The following PAK1IP1 variants were observed in gnomAD, a reference collection of about 807,000 sequenced individuals.
PAK1IP1 encodes p21-activated protein kinase-interacting protein 1.
In PAK1IP1, 24 loss-of-function variants were observed where a neutral mutation model predicts 42.0. That is an observed-to-expected ratio of 0.57 (90% CI 0.41 to 0.80). PAK1IP1 has a LOEUF of 0.80. Among genes scored for constraint, PAK1IP1 ranks in the 30% least tolerant of loss-of-function variants. The probability of loss-of-function intolerance (pLI) is 0.00; values close to 1 mark genes in which losing one functional copy is unlikely to be tolerated. For synonymous variants in PAK1IP1, 154 were observed against 156.7 expected (o/e 0.98, Z 0.13); for missense variants, 411 against 467.9 (o/e 0.88, Z 1.12).
At chr6:10,695,580 A>G (rs1769790412) in intron 1 of PAK1IP1, among the ~76,000 whole-genome samples, 1 of 152,216 alleles carries the variant, frequency 6.6e-6, no homozygotes, top group South Asian at 2.1e-4. Context: ...CGTTGCCTAC[A>G]TAAGGGGTGG....
In PAK1IP1 at chr6:10,709,615, A is replaced by AAC. The variant is rs1770322270; in HGVS notation, c.*164_*165insCA. On this transcript the variant is annotated 3_prime_UTR_variant, in exon 10 of 10. Transcript: ENST00000379568. ...AGATGGTTTTTTTTAAAAAAAAAAA[A>AAC]AAAACTGGTAAAATTACTTTTGGCA... 2.3e-6 allele frequency: 1 copy of AAC among 426,682 alleles called. No individual in the cohort carries two copies. The highest frequency in any genetic ancestry group is 2.1e-5 in the African/African-American group (1 of 46,650). 26.4% of individuals were successfully genotyped at this position (426,682 alleles called of 1,614,324 possible). A position where few individuals can be genotyped will look rare whatever the true frequency, so the allele number is the denominator to read the frequency against.
At chr6:10,694,903 GTTTT>G (rs878881986), upstream of PAK1IP1, 2,367 of 615,564 alleles carry the variant, frequency 3.8e-3, no homozygotes, top group South Asian at 4.8e-3. Flanking sequence ...GGAGTCAGGT[GTTTT>G]TTTTTTTTTT....
rs563165194 is a variant in PAK1IP1, at chr6:10,708,536, C to CT, written c.841-408dup. Among the ~76,000 whole-genome samples, 1,379 of 149,290 alleles carry CT rather than the reference C, an allele frequency of 9.2e-3. 13 individuals carry two copies. Among genetic ancestry groups the CT allele is most frequent in the African/African-American group, 0.032 (1,298 of 40,762 alleles). Reference sequence around the variant, plus strand: ...TTTGTGTGGATATATGTTTTTTTTTCTTTTTTTTTATACTTTAAGTTTTAG... The same window carrying CT: ...TTTGTGTGGATATATGTTTTTTTTTCTTTTTTTTTTATACTTTAAGTTTTAG... On this transcript the variant is annotated intron_variant, in intron 8 of 9. Coordinates refer to ENST00000379568, the MANE Select transcript of PAK1IP1 (RefSeq NM_017906.3).
At chr6:10,696,441 A>C (rs1302553261) in intron 1 of PAK1IP1, among the ~76,000 whole-genome samples, 3 of 152,028 alleles carry the variant, frequency 2.0e-5, no homozygotes, top group Non-Finnish European at 4.4e-5. Flanking sequence ...ATACTTTTTG[A>C]TGCAGTTCCT....
In PAK1IP1 at chr6:10,709,603, TA is replaced by T. The variant is rs34602235; in HGVS notation, c.*167del. ...AAAACCACTTTTAGATGGTTTTTTT[TA>T]AAAAAAAAAAAAAAACTGGTAAAAT... On this transcript the variant is annotated 3_prime_UTR_variant, in exon 10 of 10. Transcript: ENST00000379568. 0.073 allele frequency: 20,649 copies of T among 282,510 alleles called. 263 individuals carry two copies. The highest frequency in any genetic ancestry group is 0.11 in the African/African-American group (4,736 of 41,220). The allele number at this position is 282,510 out of a possible 1,614,324, so 17.5% of individuals were successfully genotyped here. A position where few individuals can be genotyped will look rare whatever the true frequency, so the allele number is the denominator to read the frequency against.
In PAK1IP1 at chr6:10,709,061, G is replaced by A; in HGVS notation, c.949G>A (p.Ala317Thr). 6.2e-7 allele frequency: 1 copy of A among 1,613,164 alleles called. No individual in the cohort carries two copies. The highest frequency in any genetic ancestry group is 8.5e-7 in the Non-Finnish European group (1 of 1,179,464). The change falls in exon 9 of 10, where the codon GCA (alanine) becomes ACA (threonine). Residue 317 changes from alanine to threonine, a missense_variant. Coordinates refer to ENST00000379568, the MANE Select transcript of PAK1IP1 (RefSeq NM_017906.3). Reference protein sequence around the residue: ...ADMKESLPPAAEPSPVSKEQS... With the variant: ...ADMKESLPPATEPSPVSKEQS... ...CATGAAAGAAAGCCTTCCTCCAGCT[G>A]CAGAGCCTTCTCCTGGTAATCGAAT...
At chr6:10,705,396 C>T (rs1433477986) in intron 7 of PAK1IP1, among the ~76,000 whole-genome samples, 1 of 152,118 alleles carries the variant, frequency 6.6e-6, no homozygotes, top group Non-Finnish European at 1.5e-5. Context: ...TTTTAAATGT[C>T]TGTTAGACTT....
intron 2 of PAK1IP1, among the ~76,000 whole-genome samples, chr6:10,701,927 A>T (rs1022840355): frequency 3.3e-5 from 5 of 152,134 alleles, no homozygotes; most frequent in African/African-American, 1.2e-4. Flanking sequence ...AATTTAAGGT[A>T]TGTTTTAGTA....
At chr6:10,698,585 T>A (rs1769929924) in intron 2 of PAK1IP1, among the ~76,000 whole-genome samples, 2 of 151,912 alleles carry the variant, frequency 1.3e-5, no homozygotes, top group Non-Finnish European at 1.5e-5. Flanking sequence ...GAGAGCCAGT[T>A]AGAGACTGAA....
At chr6:10,692,473 C>T (rs1056391652), upstream of PAK1IP1, among the ~76,000 whole-genome samples, 14 of 152,156 alleles carry the variant, frequency 9.2e-5, no homozygotes, top group African/African-American at 3.1e-4. Flanking sequence ...GAGACAGTCT[C>T]ACTCTTGCCC....
At chr6:10,708,359 T>C (rs1053266400) in intron 8 of PAK1IP1, among the ~76,000 whole-genome samples, 4 of 152,182 alleles carry the variant, frequency 2.6e-5, no homozygotes, top group Admixed American at 2.0e-4. Flanking sequence ...ATAGCATATG[T>C]TAGTACTTCA....
chr6:10,707,876 A>G (rs1289803471), intron 8 of PAK1IP1, among the ~76,000 whole-genome samples: 2 of 152,096 alleles, frequency 1.3e-5, no homozygotes, highest in East Asian at 1.9e-4. Context: ...TAAACCAGAC[A>G]CTTTGGAAAA....
chr6:10,697,547 G>T, intron 2 of PAK1IP1, 61 bp downstream of exon 2: 6 of 1,229,070 alleles, frequency 4.9e-6, no homozygotes, highest in Non-Finnish European at 5.8e-6. Flanking sequence ...TTTGACTTCA[G>T]TTGAACAATT....
chr6:10,700,593 A>G (rs1769997276), intron 2 of PAK1IP1, among the ~76,000 whole-genome samples: 1 of 152,124 alleles, frequency 6.6e-6, no homozygotes, highest in Non-Finnish European at 1.5e-5. Context: ...ATTCAAATAT[A>G]CATTCTTTTT....
At chr6:10,705,344 G>A (rs978450454) in intron 7 of PAK1IP1, among the ~76,000 whole-genome samples, 1 of 152,044 alleles carries the variant, frequency 6.6e-6, no homozygotes, top group Non-Finnish European at 1.5e-5. Context: ...TAATGCAAAA[G>A]TGGTGAAATT....
intron 2 of PAK1IP1, among the ~76,000 whole-genome samples, chr6:10,699,038 A>G (rs1336922171): frequency 1.3e-5 from 2 of 152,066 alleles, no homozygotes; most frequent in African/African-American, 4.8e-5. Context: ...GTCTCTACGA[A>G]AAATACATAA....
chr6:10,704,778 A>T lies in PAK1IP1; in HGVS notation c.674A>T (p.Glu225Val), dbSNP rs903255182. ...GTCCTTGCAGTGGCTGGAGATGAAG[A>T]AGTTATAAGGTTTTTTGACTGTGAT... ...ESVLAVAGDE[E>V]VIRFFDCDSL... The change falls in exon 7 of 10, where the codon GAA (glutamate) becomes GTA (valine). Residue 225 changes from glutamate (E) to valine (V), a missense_variant. Physicochemically the swap from Glu to Val is moderately radical, Grantham distance 121. Transcript: ENST00000379568. The T allele has an allele frequency of 1.2e-6, 2 of 1,613,488 alleles. No individual in the cohort carries two copies. The highest frequency in any genetic ancestry group is 2.7e-5 in the African/African-American group (2 of 74,906).
At chr6:10,698,256 C>T (rs991617605) in intron 2 of PAK1IP1, among the ~76,000 whole-genome samples, 2 of 151,134 alleles carry the variant, frequency 1.3e-5, no homozygotes, top group African/African-American at 4.9e-5. Flanking sequence ...ATTATGTACC[C>T]CTCTGTGTGC....
chr6:10,706,440 G>A (rs138513375), intron 7 of PAK1IP1, among the ~76,000 whole-genome samples: 9 of 152,154 alleles, frequency 5.9e-5, no homozygotes, highest in Non-Finnish European at 8.8e-5. Context: ...AACTCTTTAA[G>A]ACCCACCATC....
Sources: gnomAD v4.1 joint callset for allele counts (sites outside exome capture counted in the v4.1 genomes callset) on GRCh38, gnomAD v4.1.1 for gene constraint, MANE v1.5 for transcripts, NCBI Gene and HGNC (gene_info 2026-07-23, HGNC 2026-07-21) for gene names.